UBAP2: variants seen among roughly 807,000 people sequenced by gnomAD.
The protein encoded by UBAP2 is ubiquitin associated protein 2, also known as ubiquitin-associated protein 2.
Under a neutral mutation model 139.6 loss-of-function variants are expected in UBAP2, and 75 were observed. The observed-to-expected ratio is 0.54, with a 90% CI of 0.45 to 0.65. The LOEUF is 0.65. Among genes scored for constraint, UBAP2 ranks in the 30% least tolerant of loss-of-function variants. The probability of loss-of-function intolerance (pLI) is 0.00; values close to 1 mark genes in which losing one functional copy is unlikely to be tolerated. For synonymous variants in UBAP2, 526 were observed against 526.2 expected, an observed-to-expected ratio of 1.00 and a Z score of 0.01; for missense variants, 1,368 against 1,369.6, an observed-to-expected ratio of 1.00 and a Z score of 0.02.
At chr9:34,042,244 T>A (rs543152099) in intron 1 of UBAP2, among the ~76,000 whole-genome samples, 1 of 150,796 alleles carries the variant, frequency 6.6e-6, no homozygotes, top group Admixed American at 6.6e-5. Flanking sequence ...CTTTGGGAGC[T>A]CAGGTGGGCG....
chr9:33,974,895 G>A (rs976649272), intron 6 of UBAP2, among the ~76,000 whole-genome samples: 7 of 124,744 alleles, frequency 5.6e-5, no homozygotes, highest in Non-Finnish European at 9.5e-5. Context: ...CCTAACTTGC[G>A]TCACTGTTCT....
intron 26 of UBAP2, 25 bp downstream of exon 26, chr9:33,923,161 C>T: frequency 6.2e-7 from 1 of 1,614,002 alleles, no homozygotes; most frequent in Non-Finnish European, 8.5e-7. Flanking sequence ...CAGGCCTTAT[C>T]CTGGAAAGGA....
intron 8 of UBAP2, among the ~76,000 whole-genome samples, chr9:33,966,814 A>G (rs986832751): frequency 1.3e-5 from 2 of 152,206 alleles, no homozygotes; most frequent in Admixed American, 6.5e-5. Context: ...TTCTATATGC[A>G]TTTGTTAGAA....
At chr9:33,971,599 C>T in intron 8 of UBAP2, 52 bp downstream of exon 8, 1 of 1,054,554 alleles carries the variant, frequency 9.5e-7, no homozygotes, top group Non-Finnish European at 1.5e-6. Flanking sequence ...ACATACAACT[C>T]TTAATAGCTC....
chr9:33,953,721 A>G (rs1027816590), intron 11 of UBAP2, among the ~76,000 whole-genome samples: 1 of 152,168 alleles, frequency 6.6e-6, no homozygotes, highest in African/African-American at 2.4e-5. Context: ...TTTCAAAGTA[A>G]TGACTAACAC....
At chr9:34,028,060 T>C (rs1255402028) in intron 1 of UBAP2, among the ~76,000 whole-genome samples, 3 of 151,590 alleles carry the variant, frequency 2.0e-5, no homozygotes, top group African/African-American at 4.8e-5. Flanking sequence ...GATACTTTTA[T>C]TCTCTGCAGC....
In UBAP2 at chr9:33,926,441, C is replaced by T. The variant is rs1211512958; in HGVS notation, c.2511+176G>A. Among the ~76,000 whole-genome samples the T allele has an allele frequency of 2.6e-5, 4 of 152,284 alleles. 1 individual carries two copies. The South Asian group carries it at 6.2e-4, about 24-fold the overall frequency. On this transcript the variant is annotated intron_variant, in intron 22 of 28. Coordinates refer to ENST00000379238, the MANE Select transcript of UBAP2 (RefSeq NM_001370062.2). Reference sequence around the variant, plus strand: ...GAGCACTGGATACTCTGTGCTAAAGCTATGGTCACGCCTGGCACAACCGCC... The same window carrying T: ...GAGCACTGGATACTCTGTGCTAAAGTTATGGTCACGCCTGGCACAACCGCC...
chr9:33,935,123 C>T (rs989055957), intron 17 of UBAP2, among the ~76,000 whole-genome samples: 2 of 145,736 alleles, frequency 1.4e-5, no homozygotes, highest in South Asian at 2.1e-4. Context: ...AACGGATTTA[C>T]CTGCACTATC....
At chr9:33,982,447 T>C (rs1189412303) in intron 6 of UBAP2, among the ~76,000 whole-genome samples, 1 of 152,176 alleles carries the variant, frequency 6.6e-6, no homozygotes, top group East Asian at 1.9e-4. Flanking sequence ...GGTAGGTAGT[T>C]TGCCTACATA....
intron 1 of UBAP2, among the ~76,000 whole-genome samples, chr9:34,033,265 G>T (rs568106167): frequency 1.3e-5 from 2 of 152,264 alleles, no homozygotes; most frequent in South Asian, 4.1e-4. Context: ...ATACACAACA[G>T]AGTACTACTT....
At chr9:33,935,525 C>G in intron 17 of UBAP2, 1 of 348,648 alleles carries the variant, frequency 2.9e-6, no homozygotes, top group Non-Finnish European at 5.2e-6. Context: ...CCTTGGCCCC[C>G]CAAAGCACTG....
intron 1 of UBAP2, among the ~76,000 whole-genome samples, chr9:34,046,643 CAAAAAAAAAAAA>C (rs59971755): frequency 1.1e-4 from 14 of 122,346 alleles, no homozygotes; most frequent in South Asian, 8.7e-4. Flanking sequence ...GACTCCATCT[CAAAAAAAAAAAA>C]AAAAAAAAAA....
At chr9:33,992,602 T>C (rs1048963199) in intron 4 of UBAP2, among the ~76,000 whole-genome samples, 1 of 81,746 alleles carries the variant, frequency 1.2e-5, no homozygotes, top group East Asian at 6.6e-4. Flanking sequence ...CCCATCCTAC[T>C]GCCCCTCAAG....
At chr9:33,927,764 G>C in intron 20 of UBAP2, 33 bp downstream of exon 20, 1 of 1,580,004 alleles carries the variant, frequency 6.3e-7, no homozygotes, top group South Asian at 1.2e-5. Context: ...GAGGGGCTCA[G>C]GGGTGGGCAG....
chr9:33,927,708 T>C, intron 20 of UBAP2, 89 bp downstream of exon 20: 1 of 1,419,130 alleles, frequency 7.0e-7, no homozygotes, highest in Non-Finnish European at 9.4e-7. Flanking sequence ...CCTGAGACTC[T>C]CCTGACACCT....
intron 12 of UBAP2, 134 bp downstream of exon 12, chr9:33,953,151 G>T: frequency 1.2e-6 from 1 of 868,034 alleles, no homozygotes; most frequent in Non-Finnish European, 1.7e-6. Context: ...TTACAGGCAT[G>T]AGCCATCATG....
chr9:33,971,759 G>C lies in UBAP2; in HGVS notation c.576-5C>G. 6.5e-7 allele frequency: 1 copy of C among 1,550,170 alleles called. No individual in the cohort carries two copies. Among genetic ancestry groups the C allele is most frequent in the South Asian group, 1.1e-5 (1 of 89,688 alleles). ...TAGTCTGCAGGATTAAATGTCCTGGGGTTTGAAATAAAGAAATAATAAAGG... is the reference window on the plus strand; with the variant it reads ...TAGTCTGCAGGATTAAATGTCCTGGCGTTTGAAATAAAGAAATAATAAAGG... On this transcript the variant is annotated splice_polypyrimidine_tract_variant and splice_region_variant and intron_variant, in intron 7 of 28. Coordinates refer to ENST00000379238, the MANE Select transcript of UBAP2 (RefSeq NM_001370062.2).
intron 18 of UBAP2, among the ~76,000 whole-genome samples, chr9:33,933,202 G>T (rs2130886977): frequency 6.6e-6 from 1 of 152,278 alleles, no homozygotes; most frequent in East Asian, 1.9e-4. Context: ...CTAGGCTCAG[G>T]CACCCTCTGG....
At chr9:33,938,879 T>C (rs752330529) in intron 16 of UBAP2, 20 of 455,180 alleles carry the variant, frequency 4.4e-5, no homozygotes, top group South Asian at 2.0e-4. Flanking sequence ...TGTCAGGATA[T>C]AGACTCTAAC....
Sources: gnomAD v4.1 joint callset for allele counts (sites outside exome capture counted in the v4.1 genomes callset) on GRCh38, gnomAD v4.1.1 for gene constraint, MANE v1.5 for transcripts, NCBI Gene and HGNC (gene_info 2026-07-23, HGNC 2026-07-21) for gene names.